The following SPACA6 variants were observed in gnomAD, a reference collection of about 807,000 sequenced individuals.
The protein encoded by SPACA6 is sperm acrosome membrane-associated protein 6.
For missense variants in SPACA6, 8 were observed against 2.8 expected (o/e 2.88, Z -1.34); for synonymous variants, 6 against 1.5 (o/e 4.05, Z -2.21).
downstream of SPACA6, among the ~76,000 whole-genome samples, chr19:51,708,578 A>C (rs1844629550): frequency 6.6e-6 from 1 of 152,034 alleles, no homozygotes; most frequent in Admixed American, 6.6e-5. Flanking sequence ...TGTAATCCCA[A>C]CACTTTGGGA....
intron 2 of SPACA6, among the ~76,000 whole-genome samples, chr19:51,700,028 C>A (rs138430619): frequency 6.6e-6 from 1 of 152,060 alleles, no homozygotes; most frequent in East Asian, 1.9e-4. Context: ...CCGAGGCAGG[C>A]GGATCACCTG....
At chr19:51,707,138 T>C (rs1171265676), downstream of SPACA6, among the ~76,000 whole-genome samples, 1 of 152,116 alleles carries the variant, frequency 6.6e-6, no homozygotes, top group Non-Finnish European at 1.5e-5. Flanking sequence ...GAGATCCCAA[T>C]GAAGAAATCA....
At chr19:51,683,680 G>A in the SPACA6 span, among the ~76,000 whole-genome samples, 19 of 152,210 alleles carry the variant, frequency 1.2e-4, no homozygotes, top group African/African-American at 2.4e-5. Context: ...CATAACATTC[G>A]ATAATTCTTT....
upstream of SPACA6, among the ~76,000 whole-genome samples, chr19:51,690,043 T>C (rs1483032929): frequency 7.3e-6 from 1 of 136,688 alleles, no homozygotes; most frequent in Non-Finnish European, 1.6e-5. Flanking sequence ...GAGGGGGAGG[T>C]TGTCTGGGCT....
At chr19:51,697,694 G>C (rs2083440221) in intron 2 of SPACA6, among the ~76,000 whole-genome samples, 1 of 152,140 alleles carries the variant, frequency 6.6e-6, no homozygotes, top group Non-Finnish European at 1.5e-5. Context: ...GCTGATGTAG[G>C]CTGACTGCCT....
downstream of SPACA6, among the ~76,000 whole-genome samples, chr19:51,706,906 G>A (rs1333987290): frequency 6.6e-6 from 1 of 152,178 alleles, no homozygotes; most frequent in Non-Finnish European, 1.5e-5. Flanking sequence ...TGATCCACCT[G>A]TCTCAGCCTC....
In SPACA6 at chr19:51,693,355, G is replaced by A. The variant is rs746608159; in HGVS notation, c.-172G>A. On this transcript the variant is annotated 5_prime_UTR_variant, in exon 1 of 9. Coordinates refer to ENST00000637797, the MANE Select transcript of SPACA6 (RefSeq NM_001316972.2). ...GCGTCTGGCCCAACCACACACCTGG[G>A]GAATTGCTGGCCTGACTTCTGACCC... The A allele has an allele frequency of 1.4e-6, 1 of 733,784 alleles. No individual in the cohort carries two copies. The highest frequency in any genetic ancestry group is 2.6e-6 in the Non-Finnish European group (1 of 389,550). 45.5% of individuals were successfully genotyped at this position (733,784 alleles called of 1,614,324 possible). A position where few individuals can be genotyped will look rare whatever the true frequency, so the allele number is the denominator to read the frequency against.
chr19:51,703,604 C>T lies in SPACA6; in HGVS notation c.573+267C>T, dbSNP rs965725511. ...TTGAGCCCAGGAGTTTGAGACCGGC[C>T]TCGGCAACAAATTAAGACCCCTCCT... On this transcript the variant is annotated intron_variant, in intron 6 of 8. Transcript: ENST00000637797. The surrounding 1 kb of genome is among the most constrained non-coding windows in gnomAD (Gnocchi z 4.2). 6.6e-6 allele frequency among the ~76,000 whole-genome samples: 1 copy of T among 152,074 alleles called. No individual in the cohort carries two copies. The highest frequency in any genetic ancestry group is 1.5e-5 in the Non-Finnish European group (1 of 68,012).
At chr19:51,698,106 C>T (rs567456869) in intron 2 of SPACA6, among the ~76,000 whole-genome samples, 1 of 152,284 alleles carries the variant, frequency 6.6e-6, no homozygotes, top group East Asian at 1.9e-4. Flanking sequence ...ACAGACACTG[C>T]TGTCATCCTC....
At chr19:51,695,954 G>A (rs1022390136) in intron 2 of SPACA6, among the ~76,000 whole-genome samples, 9 of 152,196 alleles carry the variant, frequency 5.9e-5, no homozygotes, top group Admixed American at 1.3e-4. Flanking sequence ...GGTCATCACC[G>A]AAATAAGGAG....
upstream of SPACA6, among the ~76,000 whole-genome samples, chr19:51,684,152 A>T (rs1337300770): frequency 6.6e-6 from 1 of 152,150 alleles, no homozygotes; most frequent in Non-Finnish European, 1.5e-5. Context: ...AAGGAGGGGC[A>T]TCAGTGCTTG....
chr19:51,707,739 A>G (rs1196052961), downstream of SPACA6, among the ~76,000 whole-genome samples: 1 of 152,218 alleles, frequency 6.6e-6, no homozygotes, highest in Non-Finnish European at 1.5e-5. Flanking sequence ...CACCAGTCGC[A>G]AGCCAGGGGC....
At chr19:51,688,890 G>A (rs1288853451), upstream of SPACA6, among the ~76,000 whole-genome samples, 7 of 132,202 alleles carry the variant, frequency 5.3e-5, no homozygotes, top group Non-Finnish European at 9.9e-5. Flanking sequence ...GCAGAGAGGA[G>A]GAGGGAAAGA....
chr19:51,690,974 C>T (rs769652638), upstream of SPACA6, among the ~76,000 whole-genome samples: 6 of 151,712 alleles, frequency 4.0e-5, no homozygotes, highest in Non-Finnish European at 7.4e-5. Context: ...ACTCTCGCCC[C>T]CGCCTGAGGG....
At chr19:51,701,315 T>C (rs2083466838) in intron 2 of SPACA6, among the ~76,000 whole-genome samples, 4 of 152,026 alleles carry the variant, frequency 2.6e-5, no homozygotes, top group Admixed American at 2.6e-4. Flanking sequence ...TAATAGGCCT[T>C]GGTGAGGAAT....
upstream of SPACA6, among the ~76,000 whole-genome samples, chr19:51,684,721 G>T (rs1483548439): frequency 1.3e-5 from 2 of 152,012 alleles, no homozygotes; most frequent in African/African-American, 4.8e-5. Flanking sequence ...AAAAAAATTT[G>T]CAAAAAAAAC....
upstream of SPACA6, chr19:51,693,028 C>G: frequency 2.7e-6 from 1 of 366,010 alleles, no homozygotes; most frequent in South Asian, 2.1e-5. Context: ...CCTTCCCTGT[C>G]TGTCTCCATC....
At chr19:51,691,360 G>A (rs1600131277), upstream of SPACA6, among the ~76,000 whole-genome samples, 1 of 151,366 alleles carries the variant, frequency 6.6e-6, no homozygotes. Context: ...AGGGGCGGAG[G>A]GAGAGGAAGT....
chr19:51,712,661 G>A (rs547264052), downstream of SPACA6, among the ~76,000 whole-genome samples: 7 of 152,318 alleles, frequency 4.6e-5, no homozygotes, highest in Admixed American at 3.3e-4. Context: ...CAGGAAGAAG[G>A]TGGAGTGTAT....
Sources: gnomAD v4.1 joint callset for allele counts (sites outside exome capture counted in the v4.1 genomes callset) on GRCh38, gnomAD v4.1.1 for gene constraint, Gnocchi (gnomAD v3.1) non-coding constraint, MANE v1.5 for transcripts, NCBI Gene and HGNC (gene_info 2026-07-23, HGNC 2026-07-21) for gene names.